SAV1: variants seen among roughly 807,000 people sequenced by gnomAD.
The protein encoded by SAV1 is protein salvador homolog 1.
Under a neutral mutation model 47.3 loss-of-function variants are expected in SAV1, and 23 were observed. That is an observed-to-expected ratio of 0.49 (90% CI 0.35 to 0.69). The LOEUF (loss-of-function observed/expected upper bound fraction) is 0.69. SAV1 is among the 30% of genes least tolerant of loss of function. The probability of loss-of-function intolerance (pLI) is 0.01; values close to 1 mark genes in which losing one functional copy is unlikely to be tolerated. For synonymous variants in SAV1, 155 were observed against 159.2 expected (o/e 0.97, Z 0.20); for missense variants, 448 against 457.4 (o/e 0.98, Z 0.19).
Position 50,665,572 on chromosome 14 carries a change from T to C in SAV1, c.142A>G (p.Thr48Ala), listed in dbSNP as rs533487159. 1.2e-6 allele frequency: 2 copies of C among 1,613,608 alleles called. No homozygotes were observed. The highest frequency in any genetic ancestry group is 2.7e-5 in the African/African-American group (2 of 74,990). The change falls in exon 2 of 5, where the codon ACT (threonine) becomes GCT (alanine). Residue 48 changes from threonine to alanine, a missense_variant. Coordinates refer to ENST00000324679, the MANE Select transcript of SAV1 (RefSeq NM_021818.4). ...IRHGPTIPRR[T>A]DICLPDSSPN... is the part of the protein sequence containing the mutation. Reference sequence around the variant, plus strand: ...CTTGAATCTGGAAGACAGATATCAGTTCGTCTTGGAATTGTTGGACCATGC... The same window carrying C: ...CTTGAATCTGGAAGACAGATATCAGCTCGTCTTGGAATTGTTGGACCATGC...
At chr14:50,666,162 C>G (rs563822341) in intron 1 of SAV1, among the ~76,000 whole-genome samples, 4 of 152,228 alleles carry the variant, frequency 2.6e-5, no homozygotes, top group East Asian at 3.9e-4. Context: ...CTTGGAATTA[C>G]CTAGCACTAG....
At position 50,665,613 on chromosome 14, in the gene SAV1, A is replaced by C. The variant is rs747363793; in HGVS notation, c.101T>G (p.Met34Arg). The change falls in exon 2 of 5, where the codon ATG (methionine) becomes AGG (arginine). Residue 34 changes from methionine to arginine, a missense_variant. Met to Arg is a moderately conservative substitution (Grantham distance 91). Coordinates refer to ENST00000324679, the MANE Select transcript of SAV1 (RefSeq NM_021818.4). ...TGGACCATGCCGGATGAATGAAGGCATAAGATCTACAATAAAACAAAGGAT... is the reference window on the plus strand; with the variant it reads ...TGGACCATGCCGGATGAATGAAGGCCTAAGATCTACAATAAAACAAAGGAT... ...KETSPLLRNL[M>R]PSFIRHGPTI... The C allele has an allele frequency of 1.3e-6, 2 of 1,596,920 alleles. No homozygotes were observed. Among genetic ancestry groups the C allele is most frequent in the African/African-American group, 2.7e-5 (2 of 73,934 alleles).
rs1404517293 is a variant in SAV1 at position 50,634,417 on chromosome 14, C to A, written c.*766G>T. ...CAGGCTGCAGTGCAAGTGGTGCGAT[C>A]TTGACCCTGCAACCTCTGCCTCTTG... On this transcript the variant is annotated 3_prime_UTR_variant, in exon 5 of 5. Coordinates refer to ENST00000324679, the MANE Select transcript of SAV1 (RefSeq NM_021818.4). 8.2e-6 allele frequency: 2 copies of A among 243,644 alleles called. No individual in the cohort carries two copies. The highest frequency in any genetic ancestry group is 1.7e-5 in the Non-Finnish European group (2 of 118,840). The allele number at this position is 243,644 out of a possible 1,614,324, so 15.1% of individuals were successfully genotyped here.
chr14:50,646,957 T>C (rs959682308), intron 2 of SAV1, among the ~76,000 whole-genome samples: 9 of 151,848 alleles, frequency 5.9e-5, no homozygotes, highest in Admixed American at 3.3e-4. Flanking sequence ...CACACAGACA[T>C]GGTCAACTGA....
intron 2 of SAV1, chr14:50,664,171 G>A (rs1225696065): frequency 6.6e-6 from 1 of 152,082 alleles, no homozygotes; most frequent in African/African-American, 2.4e-5. Flanking sequence ...GATTGGTTTT[G>A]TTTCCACAAA....
intron 2 of SAV1, among the ~76,000 whole-genome samples, chr14:50,648,788 AG>A (rs1374991238): frequency 2.0e-5 from 3 of 152,112 alleles, no homozygotes; most frequent in African/African-American, 7.2e-5. Context: ...AAAAAAAAAA[AG>A]AATACTAATA....
intron 4 of SAV1, among the ~76,000 whole-genome samples, chr14:50,638,349 T>C (rs1427411944): frequency 6.6e-6 from 1 of 152,230 alleles, no homozygotes; most frequent in Non-Finnish European, 1.5e-5. Flanking sequence ...AACACTCCAG[T>C]AGTCCATGCT....
intron 4 of SAV1, among the ~76,000 whole-genome samples, chr14:50,636,795 T>G (rs2039638598): frequency 6.6e-6 from 1 of 152,188 alleles, no homozygotes; most frequent in Admixed American, 6.5e-5. Context: ...AATGTTAATA[T>G]CCACTAAGAC....
At chr14:50,651,958 T>C (rs185994306) in intron 2 of SAV1, among the ~76,000 whole-genome samples, 77 of 152,290 alleles carry the variant, frequency 5.1e-4, no homozygotes, top group African/African-American at 1.7e-3. Context: ...TACTTCCTCA[T>C]CGGGAAATAT....
chr14:50,667,929 C>G lies in SAV1; in HGVS notation c.39G>C (p.Lys13Asn). The part of the protein sequence containing the change: ...SRKKTKNEVS[K>N]PAEVQGKYVK... Reference sequence around the variant, plus strand: ...CGTACTTCCCCTGCACCTCGGCCGGCTTGGACACTTCGTTTTTGGTTTTCT... The same window carrying G: ...CGTACTTCCCCTGCACCTCGGCCGGGTTGGACACTTCGTTTTTGGTTTTCT... The change falls in exon 1 of 5, where the codon AAG becomes AAC. Residue 13 changes from lysine to asparagine, a missense_variant. Lys to Asn is a moderately conservative substitution (Grantham distance 94). Transcript: ENST00000324679. 1 of 1,612,692 alleles carries G rather than the reference C, an allele frequency of 6.2e-7. No homozygotes were observed. The highest frequency in any genetic ancestry group is 1.1e-5 in the South Asian group (1 of 91,040).
chr14:50,660,929 G>C (rs1016490600), intron 2 of SAV1, among the ~76,000 whole-genome samples: 2 of 152,160 alleles, frequency 1.3e-5, no homozygotes, highest in African/African-American at 4.8e-5. Flanking sequence ...GGGAGTGCAG[G>C]TATTTCTTTG....
chr14:50,655,905 C>A (rs1262057885), intron 2 of SAV1, among the ~76,000 whole-genome samples: 1 of 152,020 alleles, frequency 6.6e-6, no homozygotes, highest in Non-Finnish European at 1.5e-5. Flanking sequence ...CTTAGCCGGG[C>A]ATGGTGGCAT....
Position 50,635,541 on chromosome 14 carries a change from T to G in SAV1, c.951-157A>C, listed in dbSNP as rs1566738812. Among the ~76,000 whole-genome samples the G allele has an allele frequency of 7.9e-5, 12 of 152,248 alleles. No individual in the cohort carries two copies. The South Asian group carries it at 2.1e-3, about 26-fold the overall frequency. ...TAACTGGGCACAGTGGTGGCGCCTA[T>G]TATAGTCCCAGCTACTTGGGAGGCT... On this transcript the variant is annotated intron_variant, in intron 4 of 4. Transcript: ENST00000324679.
At chr14:50,654,255 C>T (rs1464490213) in intron 2 of SAV1, among the ~76,000 whole-genome samples, 4 of 152,364 alleles carry the variant, frequency 2.6e-5, no homozygotes, top group Admixed American at 1.3e-4. Context: ...TCAAATTCCA[C>T]TGCTACTTTA....
intron 1 of SAV1, chr14:50,667,256 T>C (rs899395265): frequency 5.6e-5 from 14 of 251,340 alleles, no homozygotes; most frequent in African/African-American, 2.7e-4. Context: ...ATAGAAATTA[T>C]TTTGAGTTGC....
intron 3 of SAV1, among the ~76,000 whole-genome samples, chr14:50,643,621 C>A (rs970819979): frequency 6.6e-6 from 1 of 152,168 alleles, no homozygotes; most frequent in African/African-American, 2.4e-5. Flanking sequence ...AGTAAACTCT[C>A]AAATCTGGTT....
Position 50,649,336 on chromosome 14 carries a change from G to C in SAV1, c.536-4322C>G, listed in dbSNP as rs1428521938. Among the ~76,000 whole-genome samples, 4 of 152,282 alleles carry C rather than the reference G, an allele frequency of 2.6e-5. No homozygotes were observed. In the East Asian group the frequency reaches 5.8e-4, roughly 22 times the overall value. On this transcript the variant is annotated intron_variant, in intron 2 of 4. Coordinates refer to ENST00000324679, the MANE Select transcript of SAV1 (RefSeq NM_021818.4). Reference sequence around the variant, plus strand: ...AAGAATCCCACAAAGAAGATTCTTAGGACAGGAATCTTTGTTTTGTTCACA... The same window carrying C: ...AAGAATCCCACAAAGAAGATTCTTACGACAGGAATCTTTGTTTTGTTCACA...
At chr14:50,652,665 TG>T (rs1703047888) in intron 2 of SAV1, among the ~76,000 whole-genome samples, 1 of 152,224 alleles carries the variant, frequency 6.6e-6, no homozygotes, top group African/African-American at 2.4e-5. Context: ...CAGCTCATCT[TG>T]GAGAAACGGC....
At chr14:50,636,093 AC>A (rs1469763575) in intron 4 of SAV1, among the ~76,000 whole-genome samples, 1 of 152,226 alleles carries the variant, frequency 6.6e-6, no homozygotes, top group African/African-American at 2.4e-5. Flanking sequence ...TCTTTAAATT[AC>A]CCATTATTCT....
Sources: allele counts gnomAD v4.1 joint callset (sites outside exome capture counted in the v4.1 genomes callset), GRCh38; gene constraint gnomAD v4.1.1; transcripts MANE v1.5; gene names NCBI Gene and HGNC (gene_info 2026-07-23, HGNC 2026-07-21).